TRPC5: variants seen among roughly 807,000 people sequenced by gnomAD.
TRPC5 encodes transient receptor potential cation channel subfamily C member 5.
A neutral mutation model predicts 56.5 loss-of-function variants in TRPC5; 9 were observed. The ratio of observed to expected loss-of-function variants is 0.16; its 90% CI spans 0.10 to 0.28. TRPC5 has a LOEUF of 0.28. TRPC5 is among the 10% of genes least tolerant of loss of function. TRPC5 has a pLI of 1.00. For missense variants in TRPC5, 469 were observed against 748.9 expected (o/e 0.63, Z 4.36); for synonymous variants, 282 against 278.5 (o/e 1.01, Z -0.13).
chrX:111,920,339 T>A (rs1473577577), intron 2 of TRPC5, among the ~76,000 whole-genome samples: 1 of 111,130 alleles, frequency 9.0e-6, no homozygotes, highest in Non-Finnish European at 1.9e-5. Context: ...AATGGTTTAG[T>A]CTTCACCTGG....
chrX:112,039,876 A>G (rs775389747), intron 1 of TRPC5, among the ~76,000 whole-genome samples: 3 of 112,157 alleles, frequency 2.7e-5, no homozygotes, highest in African/African-American at 6.5e-5. Context: ...CACCCAAACC[A>G]TTTTTTTATG....
intron 3 of TRPC5, chrX:111,902,756 A>C (rs372424272): frequency 3.9e-4 from 44 of 112,321 alleles, no homozygotes; most frequent in African/African-American, 1.3e-3. Flanking sequence ...CTACCAGATA[A>C]TAAAAGTGAA....
intron 3 of TRPC5, among the ~76,000 whole-genome samples, chrX:111,860,423 C>A (rs1430903940): frequency 1.8e-5 from 2 of 111,471 alleles, no homozygotes; most frequent in Non-Finnish European, 3.8e-5. Flanking sequence ...TTTTATTAAC[C>A]TTTGTTTTGC....
intron 1 of TRPC5, among the ~76,000 whole-genome samples, chrX:112,051,783 C>G (rs1930219398): frequency 9.0e-6 from 1 of 111,565 alleles, no homozygotes; most frequent in Non-Finnish European, 1.9e-5. Flanking sequence ...CCTCCCATTT[C>G]CCCACCCCTA....
Position 111,847,373 on chromosome X carries a change from G to C in TRPC5, c.1441C>G (p.Leu481Val). ...CTTAAAATGTTGGATATTGCGAAGA[G>C]TGCTTCCGCAATCAGAGTCGGGTGC... ...MWHPTLIAEA[L>V]FAISNILSSL... The change falls in exon 6 of 11, where the codon CTC (leucine) becomes GTC (valine). Residue 481 changes from leucine to valine, a missense_variant. Around this residue, in one of 3 missense-constraint regions of TRPC5, gnomAD observed 157 missense variants for 360.0 expected, o/e 0.44. Transcript: ENST00000262839. 8.3e-7 allele frequency: 1 copy of C among 1,211,737 alleles called. No individual in the cohort carries two copies. The highest frequency in any genetic ancestry group is 1.7e-5 in the African/African-American group (1 of 57,812).
intron 2 of TRPC5, among the ~76,000 whole-genome samples, chrX:111,938,666 T>C (rs1482999163): frequency 8.9e-6 from 1 of 111,754 alleles, no homozygotes; most frequent in East Asian, 2.8e-4. Context: ...TTTGCATGTA[T>C]TGAACCAGCC....
rs185170979 is a variant in TRPC5, at chrX:111,795,699, G to A, written c.1897-13561C>T. 8.1e-5 allele frequency among the ~76,000 whole-genome samples: 9 copies of A among 111,517 alleles called. No homozygotes were observed. In the East Asian group the frequency reaches 2.5e-3, roughly 31 times the overall value. The stretch of plus-strand genomic sequence containing the variant: ...GTTTGACTATGATGTAAATATCTTT[G>A]TATTTATCCTGCTAGGGGTTATTTG... On this transcript the variant is annotated intron_variant, in intron 7 of 10. Transcript: ENST00000262839.
Position 111,768,449 on chromosome X carries a change from C to T in TRPC5, c.*7864G>A. 1.8e-5 allele frequency among the ~76,000 whole-genome samples: 2 copies of T among 111,732 alleles called. No homozygotes were observed. Among genetic ancestry groups the T allele is most frequent in the Admixed American group, 1.9e-4 (2 of 10,548 alleles). ...GAAACTCCCATCCCTAATTTCAACCCCATTTTTGAGAAATATGGAATAAAT... is the reference window on the plus strand; with the variant it reads ...GAAACTCCCATCCCTAATTTCAACCTCATTTTTGAGAAATATGGAATAAAT... On this transcript the variant is annotated 3_prime_UTR_variant, in exon 11 of 11. Coordinates refer to ENST00000262839, the MANE Select transcript of TRPC5 (RefSeq NM_012471.3).
intron 1 of TRPC5, among the ~76,000 whole-genome samples, chrX:112,070,190 A>G (rs893291917): frequency 8.9e-6 from 1 of 112,093 alleles, no homozygotes; most frequent in Admixed American, 9.5e-5. Context: ...TATGGGATTC[A>G]AATGTTTGCC....
chrX:111,962,843 G>A (rs1025286480), intron 1 of TRPC5, among the ~76,000 whole-genome samples: 2 of 111,914 alleles, frequency 1.8e-5, no homozygotes, highest in African/African-American at 6.5e-5. Context: ...ATTGCCGGGG[G>A]TGGAGCCAAG....
At chrX:111,867,343 G>T (rs1303950867) in intron 3 of TRPC5, among the ~76,000 whole-genome samples, 3 of 112,032 alleles carry the variant, frequency 2.7e-5, no homozygotes, top group African/African-American at 9.7e-5. Context: ...TTGTCATGAG[G>T]CACCACACTT....
chrX:111,958,382 G>A (rs1927289982), intron 1 of TRPC5, among the ~76,000 whole-genome samples: 1 of 111,062 alleles, frequency 9.0e-6, no homozygotes, highest in Admixed American at 9.6e-5. Context: ...TTTAACATTT[G>A]GCTCTCCCAA....
chrX:111,921,972 T>C (rs773946743), intron 2 of TRPC5, among the ~76,000 whole-genome samples: 2 of 112,454 alleles, frequency 1.8e-5, no homozygotes, highest in Admixed American at 9.4e-5. Flanking sequence ...ATGCAGCGAA[T>C]AGATTGAGCT....
chrX:111,876,763 A>G (rs972048531), intron 3 of TRPC5, among the ~76,000 whole-genome samples: 1 of 112,064 alleles, frequency 8.9e-6, no homozygotes, highest in African/African-American at 3.2e-5. Context: ...ACTTCTCTGA[A>G]GAAATGAAAA....
rs1174819502 is a variant in TRPC5, at chrX:111,937,413, C to T, written c.378+14630G>A. On this transcript the variant is annotated intron_variant, in intron 2 of 10. Transcript: ENST00000262839. ...CTTTTGGTGTTTTAGACATGAAGTC[C>T]TTGCCCATGCCTATGTCCTGAATGG... 3.6e-3 allele frequency among the ~76,000 whole-genome samples: 374 copies of T among 102,986 alleles called. 1 individual carries two copies. The highest frequency in any genetic ancestry group is 5.7e-3 in the Non-Finnish European group (286 of 50,441). 89.4% of individuals were successfully genotyped at this position (102,986 alleles called of 115,157 possible). A position where few individuals can be genotyped will look rare whatever the true frequency, so the allele number is the denominator to read the frequency against.
intron 2 of TRPC5, among the ~76,000 whole-genome samples, chrX:111,938,647 A>T (rs1217957347): frequency 9.0e-6 from 1 of 111,404 alleles, no homozygotes; most frequent in Non-Finnish European, 1.9e-5. Flanking sequence ...GCTGGATTAC[A>T]TTTATTGATT....
intron 2 of TRPC5, among the ~76,000 whole-genome samples, chrX:111,930,138 T>C (rs1014264269): frequency 9.0e-6 from 1 of 111,298 alleles, no homozygotes; most frequent in Non-Finnish European, 1.9e-5. Context: ...TTCTCTAGTA[T>C]ATAATTCTTT....
chrX:112,061,069 T>G (rs1004629245), intron 1 of TRPC5, among the ~76,000 whole-genome samples: 1 of 112,407 alleles, frequency 8.9e-6, no homozygotes, highest in African/African-American at 3.2e-5. Flanking sequence ...ACTTCCTGGG[T>G]TGACTGTGTC....
intron 1 of TRPC5, among the ~76,000 whole-genome samples, chrX:112,005,867 G>A (rs1471764372): frequency 8.9e-6 from 1 of 111,959 alleles, no homozygotes; most frequent in African/African-American, 3.2e-5. Context: ...TCCCGGAGCT[G>A]TTTCATGCAG....
Sources: gnomAD v4.1 joint callset for allele counts (sites outside exome capture counted in the v4.1 genomes callset) on GRCh38, gnomAD v4.1.1 for gene constraint, gnomAD v4.1.1 regional missense constraint, MANE v1.5 for transcripts, NCBI Gene and HGNC (gene_info 2026-07-23, HGNC 2026-07-21) for gene names.